The following PZP variants were observed in gnomAD, a reference collection of about 807,000 sequenced individuals.
The protein encoded by PZP is PZP alpha-2-macroglobulin like, also known as pregnancy zone protein.
In PZP, 150 loss-of-function variants were observed where a neutral mutation model predicts 179.8. The observed-to-expected ratio is 0.83, with a 90% CI of 0.73 to 0.96. PZP has a LOEUF of 0.96. PZP is among the 40% of genes least tolerant of loss of function. The pLI, the probability that PZP is intolerant of heterozygous loss-of-function variation, is 0.00. For synonymous variants in PZP, 624 were observed against 652.3 expected (o/e 0.96, Z 0.66); for missense variants, 1,689 against 1,764.0 (o/e 0.96, Z 0.76).
rs762863571 is a variant in PZP at position 9,166,149 on chromosome 12, C to T, written c.2161G>A (p.Val721Met). 6 of 1,613,928 alleles carry T rather than the reference C, an allele frequency of 3.7e-6. No individual in the cohort carries two copies. Among genetic ancestry groups the T allele is most frequent in the Admixed American group, 1.7e-5 (1 of 59,970 alleles). Residue 721 changes from valine (V) to methionine (M), a missense_variant, in exon 18 of 36, where the codon GTG (valine) becomes ATG (methionine). Val to Met is a conservative substitution (Grantham distance 21). This residue lies in a region of PZP where 201 missense variants were observed against 284.2 expected (regional missense o/e 0.71). Transcript: ENST00000261336. ...CTTTGTTCATTATTTAAGGGTATCA[C>T]ATTATATGTGCCTAATTGAGGAACA... ...PYVPQLGTYN[V>M]IPLNNEQSSG...
chr12:9,158,668 C>G, intron 25 of PZP, 92 bp from the exon 26 acceptor site: 1 of 1,317,626 alleles, frequency 7.6e-7, no homozygotes, highest in Non-Finnish European at 1.0e-6. Flanking sequence ...TCACAGTGTG[C>G]ACCCAAGAAA....
At chr12:9,182,547 T>C (rs1942837660) in intron 13 of PZP, among the ~76,000 whole-genome samples, 2 of 152,214 alleles carry the variant, frequency 1.3e-5, no homozygotes, top group Non-Finnish European at 2.9e-5. Context: ...AAGCTCTGTA[T>C]GTAAAAAAAA....
chr12:9,205,847 G>C (rs927168043), intron 1 of PZP, among the ~76,000 whole-genome samples: 13 of 152,248 alleles, frequency 8.5e-5, no homozygotes, highest in Middle Eastern at 3.4e-3. Context: ...GAGAATCCAA[G>C]GATAATTGAG....
chr12:9,139,544 T>A, the PZP span, among the ~76,000 whole-genome samples: 466 of 152,348 alleles, frequency 3.1e-3, 5 homozygotes, highest in African/African-American at 0.011. Flanking sequence ...TTCCTACTAT[T>A]ATTTTATTGC....
At chr12:9,194,339 T>G in intron 10 of PZP, 101 bp from the exon 11 acceptor site, 1 of 1,102,284 alleles carries the variant, frequency 9.1e-7, no homozygotes, top group East Asian at 2.5e-5. Context: ...AACAACAACC[T>G]CCCCCTCAAA....
At chr12:9,160,996 C>G (rs768114675) in intron 23 of PZP, 37 bp downstream of exon 23, 2 of 1,486,902 alleles carry the variant, frequency 1.3e-6, no homozygotes, top group Non-Finnish European at 1.9e-6. Context: ...AGTGGCAACT[C>G]TTTTGGCCCA....
At chr12:9,201,447 G>T in intron 4 of PZP, 100 bp from the exon 5 acceptor site, 1 of 895,390 alleles carries the variant, frequency 1.1e-6, no homozygotes. Flanking sequence ...AATATTATCT[G>T]TAGCTAAATT....
chr12:9,181,986 GACA>G lies in PZP; in HGVS notation c.1675_1677del (p.Cys559del), dbSNP rs1942791835. 6.2e-7 allele frequency: 1 copy of G among 1,613,418 alleles called. No homozygotes were observed. Among genetic ancestry groups the G allele is most frequent in the South Asian group, 1.1e-5 (1 of 90,992 alleles). The stretch of plus-strand genomic sequence containing the variant: ...GTTAAATCGCTCACCTTGTTGGCTA[GACA>G]GTTTTCAATCTCAAATTTTTCAGAG... On this transcript the variant is annotated inframe_deletion, in exon 14 of 36. Coordinates refer to ENST00000261336, the MANE Select transcript of PZP (RefSeq NM_002864.3).
chr12:9,157,117 T>TC, intron 28 of PZP, 58 bp downstream of exon 28: 1 of 1,530,732 alleles, frequency 6.5e-7, no homozygotes, highest in South Asian at 1.2e-5. Flanking sequence ...TGTGTGCTGT[T>TC]CCCCTCCCTG....
chr12:9,197,525 A>T (rs1488027242), intron 7 of PZP, among the ~76,000 whole-genome samples: 1 of 125,918 alleles, frequency 7.9e-6, no homozygotes, highest in African/African-American at 3.1e-5. Flanking sequence ...GTTGAAAATA[A>T]TTATTAATTA....
intron 13 of PZP, among the ~76,000 whole-genome samples, chr12:9,183,095 A>G (rs1942877764): frequency 1.3e-5 from 2 of 152,242 alleles, no homozygotes; most frequent in Non-Finnish European, 2.9e-5. Flanking sequence ...TAGAAGAACT[A>G]TAATTGATTT....
intron 17 of PZP, chr12:9,167,375 C>T (rs1941659462): frequency 6.6e-6 from 1 of 152,146 alleles, no homozygotes; most frequent in Non-Finnish European, 1.5e-5. Flanking sequence ...GTCTCTGCAT[C>T]AAAGCTTTGT....
chr12:9,208,228 T>C (rs754643146), intron 1 of PZP, 31 bp downstream of exon 1: 1 of 1,577,900 alleles, frequency 6.3e-7, no homozygotes, highest in East Asian at 2.2e-5. Context: ...TGAAACGCAC[T>C]CTGGAGGAAG....
intron 17 of PZP, chr12:9,168,657 G>T: frequency 1.8e-5 from 8 of 446,438 alleles, no homozygotes; most frequent in South Asian, 5.3e-5. Context: ...ATCTGATTTT[G>T]TGCCCTGAAG....
At chr12:9,169,043 A>T (rs1941794397) in intron 16 of PZP, 69 bp from the exon 17 acceptor site, 1 of 1,143,992 alleles carries the variant, frequency 8.7e-7, no homozygotes, top group East Asian at 2.4e-5. Context: ...TTATCCTTAG[A>T]GACTTCTCTA....
intron 28 of PZP, among the ~76,000 whole-genome samples, chr12:9,155,285 C>T (rs1940665191): frequency 6.6e-6 from 1 of 152,000 alleles, no homozygotes; most frequent in African/African-American, 2.4e-5. Context: ...TTTGTTGTAC[C>T]TCTTTTCTTT....
intron 14 of PZP, among the ~76,000 whole-genome samples, chr12:9,181,552 G>C (rs1328289866): frequency 6.6e-6 from 1 of 152,146 alleles, no homozygotes; most frequent in Non-Finnish European, 1.5e-5. Context: ...ACAAAATATA[G>C]CTTCTCGGTA....
At position 9,202,730 on chromosome 12, in the gene PZP, C is replaced by T. The variant is rs769592976; in HGVS notation, c.268-46G>A. On this transcript the variant is annotated intron_variant, in intron 2 of 35. Transcript: ENST00000261336. ...TACTACTGAGGAACTGTGCAGTCTTCTCCCTCTGCATTCTTCAGTCATTGC... is the reference window on the plus strand; with the variant it reads ...TACTACTGAGGAACTGTGCAGTCTTTTCCCTCTGCATTCTTCAGTCATTGC... 4.5e-6 allele frequency: 7 copies of T among 1,557,166 alleles called. No individual in the cohort carries two copies. In the African/African-American group the frequency reaches 6.8e-5, roughly 15 times the overall value.
chr12:9,206,843 T>C (rs1174025718), intron 1 of PZP, among the ~76,000 whole-genome samples: 1 of 152,166 alleles, frequency 6.6e-6, no homozygotes, highest in Non-Finnish European at 1.5e-5. Context: ...AGTGTAGGAA[T>C]GCATCCAGAA....
Sources: gnomAD v4.1 joint callset for allele counts (sites outside exome capture counted in the v4.1 genomes callset) on GRCh38, gnomAD v4.1.1 for gene constraint, gnomAD v4.1.1 regional missense constraint, MANE v1.5 for transcripts, NCBI Gene and HGNC (gene_info 2026-07-23, HGNC 2026-07-21) for gene names.